ADCY9: variants seen among roughly 807,000 people sequenced by gnomAD.
ADCY9 encodes the protein adenylate cyclase type 9.
A neutral mutation model predicts 101.5 loss-of-function variants in ADCY9; 50 were observed. That is an observed-to-expected ratio of 0.49 (90% CI 0.39 to 0.62). ADCY9 has a LOEUF of 0.62. Among genes scored for constraint, ADCY9 ranks in the 20% least tolerant of loss-of-function variants. The pLI, the probability that ADCY9 is intolerant of heterozygous loss-of-function variation, is 0.00. For missense variants in ADCY9, 1,662 were observed against 1,800.4 expected (o/e 0.92, Z 1.39); for synonymous variants, 905 against 769.3 (o/e 1.18, Z -2.92).
chr16:4,086,595 C>T (rs1450680627), intron 2 of ADCY9, among the ~76,000 whole-genome samples: 1 of 152,086 alleles, frequency 6.6e-6, no homozygotes, highest in Non-Finnish European at 1.5e-5. Context: ...AGCACCAGTA[C>T]AAAATGTAGA....
intron 2 of ADCY9, among the ~76,000 whole-genome samples, chr16:4,067,135 A>G (rs1044867861): frequency 1.3e-5 from 2 of 152,182 alleles, no homozygotes; most frequent in Admixed American, 1.3e-4. Context: ...ATGGGGGGAG[A>G]TGAGAAAAAA....
intron 2 of ADCY9, among the ~76,000 whole-genome samples, chr16:4,081,680 G>C (rs1475555763): frequency 1.3e-5 from 2 of 151,762 alleles, no homozygotes; most frequent in Non-Finnish European, 2.9e-5. Context: ...AGCACATGCG[G>C]GGAGCCCCCA....
At chr16:4,077,184 T>C (rs1286733903) in intron 2 of ADCY9, among the ~76,000 whole-genome samples, 2 of 152,130 alleles carry the variant, frequency 1.3e-5, no homozygotes, top group African/African-American at 2.4e-5. Context: ...GTAAGCCCTA[T>C]ACAGGGAAGT....
chr16:4,096,423 T>C (rs867204860), intron 2 of ADCY9, among the ~76,000 whole-genome samples: 5 of 152,164 alleles, frequency 3.3e-5, no homozygotes, highest in African/African-American at 1.2e-4. Context: ...GTGGAGGAAA[T>C]GTATTAAGAC....
At chr16:3,955,262 C>T (rs1208889217) in intron 5 of ADCY9, among the ~76,000 whole-genome samples, 1 of 151,180 alleles carries the variant, frequency 6.6e-6, no homozygotes, top group African/African-American at 2.4e-5. Context: ...AGGTGGCTCA[C>T]GCCTGTCATC....
chr16:4,042,258 G>T (rs915242675), intron 2 of ADCY9, among the ~76,000 whole-genome samples: 1 of 151,952 alleles, frequency 6.6e-6, no homozygotes, highest in Non-Finnish European at 1.5e-5. Context: ...GTAGAGACAG[G>T]GTTTTCCTAT....
At chr16:4,046,311 C>G (rs1294659917) in intron 2 of ADCY9, among the ~76,000 whole-genome samples, 1 of 152,288 alleles carries the variant, frequency 6.6e-6, no homozygotes, top group East Asian at 1.9e-4. Flanking sequence ...ATAGCACATG[C>G]GCATTCCCCC....
At chr16:3,997,927 C>G (rs1369893676) in intron 3 of ADCY9, among the ~76,000 whole-genome samples, 1 of 152,124 alleles carries the variant, frequency 6.6e-6, no homozygotes, top group South Asian at 2.1e-4. Context: ...AACCCTGTCT[C>G]TATTAAAAAT....
At chr16:4,028,096 G>T (rs1055454489) in intron 2 of ADCY9, among the ~76,000 whole-genome samples, 4 of 152,000 alleles carry the variant, frequency 2.6e-5, no homozygotes, top group African/African-American at 9.7e-5. Flanking sequence ...GATTTTTGGG[G>T]GGTGATTAAA....
At chr16:4,103,980 C>T (rs892965322) in intron 2 of ADCY9, among the ~76,000 whole-genome samples, 12 of 152,186 alleles carry the variant, frequency 7.9e-5, no homozygotes, top group African/African-American at 2.7e-4. Flanking sequence ...CCCATCAAAG[C>T]ACAGCGGTCC....
Position 4,000,657 on chromosome 16 carries a change from TCA to T in ADCY9, c.1884+6709_1884+6710del, listed in dbSNP as rs940961480. 1.4e-4 allele frequency among the ~76,000 whole-genome samples: 21 copies of T among 151,850 alleles called. No individual in the cohort carries two copies. The South Asian group carries it at 3.7e-3, about 27-fold the overall frequency. ...CCACATGAACACACACGTGTAAAAC[TCA>T]CACACACAATCTCAGAGCCACACGG... On this transcript the variant is annotated intron_variant, in intron 3 of 10. Coordinates refer to ENST00000294016, the MANE Select transcript of ADCY9 (RefSeq NM_001116.4).
intron 2 of ADCY9, among the ~76,000 whole-genome samples, chr16:4,100,131 G>T (rs1182881725): frequency 1.3e-5 from 2 of 152,046 alleles, no homozygotes; most frequent in Admixed American, 1.3e-4. Context: ...CACGAGACCT[G>T]ATGGTTTAAA....
intron 2 of ADCY9, among the ~76,000 whole-genome samples, chr16:4,111,949 T>C (rs533246752): frequency 6.6e-6 from 1 of 151,998 alleles, no homozygotes; most frequent in South Asian, 2.1e-4. Context: ...GACTTGGCAA[T>C]TTCCAAACAT....
intron 10 of ADCY9, among the ~76,000 whole-genome samples, chr16:3,968,663 T>G (rs1001809855): frequency 4.6e-5 from 7 of 152,074 alleles, no homozygotes; most frequent in African/African-American, 1.7e-4. Flanking sequence ...TTAGCCAGAT[T>G]CCCCCTGATG....
chr16:4,007,305 G>A (rs1261769629), intron 3 of ADCY9, 63 bp downstream of exon 3: 18 of 1,385,074 alleles, frequency 1.3e-5, no homozygotes, highest in Admixed American at 1.1e-4. Context: ...ATTATTTCAC[G>A]TGCTCTACTG....
intron 7 of ADCY9, 138 bp from the exon 8 acceptor site, chr16:3,979,413 T>C (rs922358143): frequency 9.8e-7 from 1 of 1,016,006 alleles, no homozygotes; most frequent in African/African-American, 1.6e-5. Context: ...AGAGCAGGCG[T>C]GGGGTGGGAG....
At chr16:3,958,659 T>G (rs1466553297), downstream of ADCY9, among the ~76,000 whole-genome samples, 1 of 148,530 alleles carries the variant, frequency 6.7e-6, no homozygotes, top group East Asian at 2.0e-4. Context: ...TCTCTGAATC[T>G]TTCTCGTCGG....
Position 3,966,568 on chromosome 16 carries a change from C to T in ADCY9, c.3269G>A (p.Gly1090Glu). The T allele has an allele frequency of 1.2e-6, 2 of 1,614,162 alleles. No individual in the cohort carries two copies. The highest frequency in any genetic ancestry group is 1.7e-6 in the Non-Finnish European group (2 of 1,180,038). ...CTTGCTTAGGAGCTCGTCAAAGTCCCCGATGAGCTCGTTGAGGACCCGGTA... is the reference window on the plus strand; with the variant it reads ...CTTGCTTAGGAGCTCGTCAAAGTCCTCGATGAGCTCGTTGAGGACCCGGTA... ...ECYRVLNELI[G>E]DFDELLSKPD... Residue 1090 changes from glycine (G) to glutamate (E), a missense_variant, in exon 11 of 11, where the codon GGG (glycine) becomes GAG (glutamate). Gly to Glu is a moderately conservative substitution (Grantham distance 98, BLOSUM62 -2). Transcript: ENST00000294016.
chr16:4,082,895 G>A (rs2056914380), intron 2 of ADCY9, among the ~76,000 whole-genome samples: 1 of 152,248 alleles, frequency 6.6e-6, no homozygotes, highest in South Asian at 2.1e-4. Context: ...AAAGGGAGCT[G>A]AGAGATGTCT....
Sources: gnomAD v4.1 joint callset for allele counts (sites outside exome capture counted in the v4.1 genomes callset) on GRCh38, gnomAD v4.1.1 for gene constraint, MANE v1.5 for transcripts, NCBI Gene and HGNC (gene_info 2026-07-23, HGNC 2026-07-21) for gene names.